NRIP1: variants seen among roughly 807,000 people sequenced by gnomAD.
The protein encoded by NRIP1 is nuclear receptor-interacting protein 1.
In NRIP1, 28 loss-of-function variants were observed where a neutral mutation model predicts 75.0. The observed-to-expected ratio is 0.37, with a 90% CI of 0.28 to 0.51. The LOEUF is 0.51. NRIP1 is among the 20% of genes least tolerant of loss of function. NRIP1 has a pLI of 0.92. For synonymous variants in NRIP1, 526 were observed against 487.6 expected (o/e 1.08, Z -1.04); for missense variants, 1,435 against 1,343.7 (o/e 1.07, Z -1.06).
intron 2 of NRIP1, among the ~76,000 whole-genome samples, chr21:15,035,857 T>C (rs922234668): frequency 1.3e-5 from 2 of 152,178 alleles, no homozygotes; most frequent in Admixed American, 1.3e-4. Context: ...TATGACTTTC[T>C]AACAAATACT....
chr21:15,064,633 C>G (rs941811728), intron 1 of NRIP1, 112 bp downstream of exon 1: 1 of 151,700 alleles, frequency 6.6e-6, no homozygotes, highest in East Asian at 1.9e-4. Context: ...CGCCCCGACG[C>G]CCCCGCGGCC....
intron 2 of NRIP1, among the ~76,000 whole-genome samples, chr21:15,015,825 C>A (rs2088214168): frequency 6.6e-6 from 1 of 151,976 alleles, no homozygotes; most frequent in Admixed American, 6.6e-5. Flanking sequence ...TGCTGATTTG[C>A]ATTTTCTAAT....
In NRIP1 at chr21:14,965,028, TTCATAC is replaced by T. The variant is rs772058304; in HGVS notation, c.3159_3164del (p.Tyr1054_Glu1055del). 2 of 1,613,878 alleles carry T rather than the reference TTCATAC, an allele frequency of 1.2e-6. No individual in the cohort carries two copies. The highest frequency in any genetic ancestry group is 4.5e-5 in the East Asian group (2 of 44,876). The stretch of plus-strand genomic sequence containing the variant: ...TTTTGGTCAATCTTGGAGAGTCTTT[TTCATAC>T]TCATTCTTCTCCGCATCAGTGATAA... On this transcript the variant is annotated inframe_deletion, in exon 4 of 4. Transcript: ENST00000318948.
At chr21:15,005,481 A>G (rs1187795262) in intron 3 of NRIP1, among the ~76,000 whole-genome samples, 1 of 152,114 alleles carries the variant, frequency 6.6e-6, no homozygotes, top group Non-Finnish European at 1.5e-5. Context: ...GTTGTTGTTG[A>G]ATGTCACAGG....
At chr21:15,051,631 G>C (rs1176963835) in intron 1 of NRIP1, 1 of 152,148 alleles carries the variant, frequency 6.6e-6, no homozygotes, top group Non-Finnish European at 1.5e-5. Flanking sequence ...TAAAACAGTT[G>C]ACGGTTAAAA....
intron 3 of NRIP1, 145 bp downstream of exon 3, chr21:15,014,199 T>C (rs1226548953): frequency 2.0e-5 from 7 of 356,402 alleles, no homozygotes; most frequent in Non-Finnish European, 2.0e-5. Flanking sequence ...TTAAACCACA[T>C]TGCCTGATGA....
chr21:15,005,508 T>C (rs1339515930), intron 3 of NRIP1, among the ~76,000 whole-genome samples: 2 of 152,212 alleles, frequency 1.3e-5, no homozygotes, highest in South Asian at 2.1e-4. Context: ...TAGTGTGACC[T>C]TGAGCTGCAT....
chr21:15,002,043 T>C (rs534342475), intron 3 of NRIP1: 2 of 152,346 alleles, frequency 1.3e-5, no homozygotes, highest in African/African-American at 2.4e-5. Flanking sequence ...CTGTAGCCCA[T>C]TGCTCTCACA....
intron 1 of NRIP1, among the ~76,000 whole-genome samples, chr21:15,062,706 C>T (rs1978410279): frequency 6.6e-6 from 1 of 152,148 alleles, no homozygotes. Context: ...CTGTAACAGA[C>T]ATGTCAATTT....
intron 3 of NRIP1, among the ~76,000 whole-genome samples, chr21:14,994,607 A>T (rs976310310): frequency 1.3e-5 from 2 of 152,226 alleles, no homozygotes; most frequent in Non-Finnish European, 2.9e-5. Flanking sequence ...TTTCAAATGA[A>T]CTTTGCTTTT....
At chr21:14,971,506 A>T (rs1011212713) in intron 3 of NRIP1, 5 of 152,178 alleles carry the variant, frequency 3.3e-5, no homozygotes, top group Non-Finnish European at 5.9e-5. Flanking sequence ...CTGTCTTAGG[A>T]TTGGTGAATT....
intron 3 of NRIP1, among the ~76,000 whole-genome samples, chr21:15,001,667 T>A (rs1331092638): frequency 2.0e-5 from 3 of 152,124 alleles, no homozygotes; most frequent in Non-Finnish European, 4.4e-5. Flanking sequence ...AAACAACACA[T>A]TTCTTAATTT....
At chr21:15,011,481 G>A (rs931741510) in intron 3 of NRIP1, among the ~76,000 whole-genome samples, 3 of 152,038 alleles carry the variant, frequency 2.0e-5, no homozygotes, top group South Asian at 4.1e-4. Flanking sequence ...GAGCCACCAC[G>A]CCCAGAGTAC....
At chr21:15,062,726 T>C (rs1315038254) in intron 1 of NRIP1, among the ~76,000 whole-genome samples, 1 of 152,218 alleles carries the variant, frequency 6.6e-6, no homozygotes, top group Admixed American at 6.5e-5. Context: ...TAAGCAAACT[T>C]CATGAGCAAT....
At chr21:15,029,538 CTTAT>C (rs1280968108) in intron 2 of NRIP1, among the ~76,000 whole-genome samples, 1 of 152,144 alleles carries the variant, frequency 6.6e-6, no homozygotes, top group East Asian at 1.9e-4. Context: ...ATTGCTTTAT[CTTAT>C]TTGTCTATCT....
At chr21:15,010,288 A>G (rs1212476867) in intron 3 of NRIP1, among the ~76,000 whole-genome samples, 2 of 152,248 alleles carry the variant, frequency 1.3e-5, no homozygotes, top group African/African-American at 2.4e-5. Context: ...CAGTGAAAAA[A>G]GACCAGGGTC....
chr21:14,979,328 G>A (rs1044209522), intron 3 of NRIP1, among the ~76,000 whole-genome samples: 17 of 152,146 alleles, frequency 1.1e-4, no homozygotes, highest in African/African-American at 4.1e-4. Context: ...AATTGCTTGA[G>A]TGTTTATAGT....
rs769424707 is a variant in NRIP1, at chr21:14,966,296, T to G, written c.1897A>C (p.Asn633His). 6.2e-7 allele frequency: 1 copy of G among 1,614,134 alleles called. No individual in the cohort carries two copies. Among genetic ancestry groups the G allele is most frequent in the Admixed American group, 1.7e-5 (1 of 60,014 alleles). ...GACTGCATTCCACATTGTGCTAAAT[T>G]TTGTAACAGCTTACTGGCACTAAAC... ...ATFSASKLLQ[N>H]LAQCGMQSSM... The change falls in exon 4 of 4, where the codon AAT becomes CAT. Residue 633 changes from asparagine to histidine, a missense_variant. Coordinates refer to ENST00000318948, the MANE Select transcript of NRIP1 (RefSeq NM_003489.4).
chr21:14,979,990 G>A (rs1568953642), intron 3 of NRIP1, among the ~76,000 whole-genome samples: 1 of 152,254 alleles, frequency 6.6e-6, no homozygotes, highest in Admixed American at 6.5e-5. Flanking sequence ...ATCTGAAACT[G>A]AAATTAGTAG....
Sources: gnomAD v4.1 joint callset for allele counts (sites outside exome capture counted in the v4.1 genomes callset) on GRCh38, gnomAD v4.1.1 for gene constraint, MANE v1.5 for transcripts, NCBI Gene and HGNC (gene_info 2026-07-23, HGNC 2026-07-21) for gene names.